GRK3: variants seen among roughly 807,000 people sequenced by gnomAD.
The protein encoded by GRK3 is G protein-coupled receptor kinase 3, also known as adrenergic, beta, receptor kinase 2.
A neutral mutation model predicts 95.7 loss-of-function variants in GRK3; 54 were observed. The ratio of observed to expected loss-of-function variants is 0.56; its 90% confidence interval spans 0.45 to 0.71. The LOEUF (loss-of-function observed/expected upper bound fraction) is 0.71. GRK3 is among the 30% of genes least tolerant of loss of function. The pLI is 0.00. For missense variants in GRK3, 649 were observed against 851.2 expected (o/e 0.76, Z 2.96); for synonymous variants, 281 against 290.8 (o/e 0.97, Z 0.34).
intron 11 of GRK3, 60 bp from the exon 12 acceptor site, chr22:25,690,129 T>A: frequency 1.5e-6 from 2 of 1,304,440 alleles, no homozygotes; most frequent in South Asian, 2.5e-5. Context: ...CACTCAAAGT[T>A]CTCAAAGCCT....
chr22:25,666,804 T>A (rs1429434911), intron 5 of GRK3, among the ~76,000 whole-genome samples: 1 of 152,178 alleles, frequency 6.6e-6, no homozygotes, highest in Non-Finnish European at 1.5e-5. Flanking sequence ...AAAAAAAAGG[T>A]TAAATTTGGA....
chr22:25,628,606 A>C (rs1378487041), intron 2 of GRK3, among the ~76,000 whole-genome samples: 1 of 152,228 alleles, frequency 6.6e-6, no homozygotes, highest in East Asian at 1.9e-4. Context: ...TATAGAGTAC[A>C]GTGGAAAATT....
At chr22:25,584,683 TA>T (rs1932231304) in intron 1 of GRK3, among the ~76,000 whole-genome samples, 2 of 152,288 alleles carry the variant, frequency 1.3e-5, no homozygotes, top group South Asian at 4.1e-4. Context: ...GCCTAACTGA[TA>T]AATTTAACTT....
intron 2 of GRK3, among the ~76,000 whole-genome samples, chr22:25,641,778 A>G (rs2084744978): frequency 6.6e-6 from 1 of 152,196 alleles, no homozygotes; most frequent in Non-Finnish European, 1.5e-5. Flanking sequence ...CAGAGAAACT[A>G]CAGTACAGAA....
At chr22:25,613,782 G>A (rs773441184) in intron 2 of GRK3, among the ~76,000 whole-genome samples, 4 of 152,164 alleles carry the variant, frequency 2.6e-5, no homozygotes, top group African/African-American at 9.7e-5. Context: ...GCTGGGAGCC[G>A]CCACATGCCC....
chr22:25,693,578 C>T (rs1257754346), intron 12 of GRK3, among the ~76,000 whole-genome samples: 2 of 152,108 alleles, frequency 1.3e-5, no homozygotes, highest in Middle Eastern at 3.2e-3. Flanking sequence ...ACTTTAGGTT[C>T]GGGCTGATTG....
intron 1 of GRK3, among the ~76,000 whole-genome samples, chr22:25,569,703 G>GTATTAAATA (rs1931616418): frequency 6.6e-6 from 1 of 152,188 alleles, no homozygotes. Context: ...CAGGACGCCT[G>GTATTAAATA]GCCTCCCTAG....
intron 2 of GRK3, among the ~76,000 whole-genome samples, chr22:25,636,436 A>C (rs889326789): frequency 2.6e-5 from 4 of 152,184 alleles, no homozygotes; most frequent in Non-Finnish European, 5.9e-5. Context: ...CTCTTATCCA[A>C]AAAGCCTCTT....
chr22:25,585,953 G>A (rs1473307835), intron 1 of GRK3, among the ~76,000 whole-genome samples: 1 of 152,278 alleles, frequency 6.6e-6, no homozygotes, highest in African/African-American at 2.4e-5. Flanking sequence ...TTGAAGGGTT[G>A]GGGAAGGCTC....
intron 2 of GRK3, among the ~76,000 whole-genome samples, chr22:25,605,251 G>A (rs1288019285): frequency 6.6e-6 from 1 of 152,216 alleles, no homozygotes; most frequent in African/African-American, 2.4e-5. Context: ...GTCTGTCTGT[G>A]CCTGAGCACT....
rs144873729 is a variant in GRK3, at chr22:25,641,784, C to T, written c.191-2808C>T. 1.0e-3 allele frequency among the ~76,000 whole-genome samples: 154 copies of T among 152,242 alleles called. No individual in the cohort carries two copies. The East Asian group carries it at 0.015, about 15-fold the overall frequency. On this transcript the variant is annotated intron_variant, in intron 2 of 20. Transcript: ENST00000324198. ...GCTTGGTGTCAGAGAAACTACAGTA[C>T]AGAAGCTTGGCCTAAGTGAAGTGAG...
At chr22:25,615,110 G>A (rs1325037267) in intron 2 of GRK3, among the ~76,000 whole-genome samples, 1 of 152,176 alleles carries the variant, frequency 6.6e-6, no homozygotes, top group Admixed American at 6.5e-5. Context: ...GCAAACGTGG[G>A]GAAGTTATTC....
At position 25,687,415 on chromosome 22, in the gene GRK3, A is replaced by G. The variant is rs138519369; in HGVS notation, c.827-122A>G. 3 of 976,014 alleles carry G rather than the reference A, an allele frequency of 3.1e-6. No homozygotes were observed. In the African/African-American group the frequency reaches 4.9e-5, roughly 16 times the overall value. The allele number at this position is 976,014 out of a possible 1,614,324, so 60.5% of individuals were successfully genotyped here. On this transcript the variant is annotated intron_variant, in intron 10 of 20. Transcript: ENST00000324198. ...TAAACTACAGGAATGAAACATAGGT[A>G]TATAGACCAAGCAGAAGCATAGTTT...
chr22:25,649,214 C>T, intron 3 of GRK3: 1 of 1,292,994 alleles, frequency 7.7e-7, no homozygotes. Flanking sequence ...AGCCATAGTA[C>T]CAGCCAGGAG....
chr22:25,704,189 G>A lies in GRK3; in HGVS notation c.1308G>A (p.Arg436=), dbSNP rs1336968695. The A allele has an allele frequency of 1.2e-6, 2 of 1,613,000 alleles. No homozygotes were observed. Among genetic ancestry groups the A allele is most frequent in the Non-Finnish European group, 1.7e-6 (2 of 1,179,392 alleles). ...EGLLQRDVSK[R]LGCHGGGSQE... ...TGCTTCAGCGAGACGTTAGCAAGCG[G>A]CTGGGCTGTCACGGAGGCGGGTAGG... Residue 436 remains arginine (R), a synonymous_variant, in exon 15 of 21, where the codon CGG becomes CGA. Transcript: ENST00000324198.
rs545778863 is a variant in GRK3 at position 25,680,889 on chromosome 22, C to T, written c.747+1974C>T. 2.7e-4 allele frequency among the ~76,000 whole-genome samples: 41 copies of T among 151,618 alleles called. 1 individual carries two copies. In the South Asian group the frequency reaches 2.9e-3, roughly 11 times the overall value. ...ATCAGACTGTATCGGCAGGCTTTCC[C>T]GTATTGTGGACATGTAACTGAAATG... is the stretch of plus-strand genomic sequence containing the variant. On this transcript the variant is annotated intron_variant, in intron 9 of 20. Coordinates refer to ENST00000324198, the MANE Select transcript of GRK3 (RefSeq NM_005160.4).
rs2084410224 is a variant in GRK3, at chr22:25,601,660, C to T, written c.114-2717C>T. 2.0e-5 allele frequency among the ~76,000 whole-genome samples: 3 copies of T among 151,960 alleles called. No homozygotes were observed. The South Asian group carries it at 6.2e-4, about 32-fold the overall frequency. ...TACAGATCAATGCAACAGGATGGTC[C>T]AGAGATAGACCTGCACATACTTAGT... On this transcript the variant is annotated intron_variant, in intron 1 of 20. Transcript: ENST00000324198.
chr22:25,709,484 T>C (rs1239797679), intron 15 of GRK3, among the ~76,000 whole-genome samples: 2 of 152,250 alleles, frequency 1.3e-5, no homozygotes, highest in Non-Finnish European at 2.9e-5. Context: ...TCCTGTCATT[T>C]TCCTATTACA....
intron 2 of GRK3, among the ~76,000 whole-genome samples, chr22:25,624,381 G>A (rs2084611138): frequency 6.6e-6 from 1 of 152,148 alleles, no homozygotes; most frequent in East Asian, 1.9e-4. Context: ...GGCTAACACG[G>A]TGAAACCCCC....
Sources: gnomAD v4.1 joint callset for allele counts (sites outside exome capture counted in the v4.1 genomes callset) on GRCh38, gnomAD v4.1.1 for gene constraint, MANE v1.5 for transcripts, NCBI Gene and HGNC (gene_info 2026-07-23, HGNC 2026-07-21) for gene names.